The following ASTN2 variants were observed in gnomAD, a reference collection of about 807,000 sequenced individuals.
The protein encoded by ASTN2 is astrotactin 2.
ASTN2 carries 54 observed loss-of-function variants against 139.8 expected under a neutral mutation model. That is an observed-to-expected ratio of 0.39 (90% confidence interval 0.31 to 0.48). The LOEUF is 0.48. ASTN2 is among the 20% of genes least tolerant of loss of function. The pLI, the probability that ASTN2 is intolerant of heterozygous loss-of-function variation, is 0.95. For synonymous variants in ASTN2, 756 were observed against 719.5 expected (o/e 1.05, Z -0.81); for missense variants, 1,565 against 1,725.1 (o/e 0.91, Z 1.64).
chr9:116,550,330 C>G (rs780706623), intron 19 of ASTN2, among the ~76,000 whole-genome samples: 20 of 152,160 alleles, frequency 1.3e-4, no homozygotes, highest in Non-Finnish European at 2.6e-4. Context: ...CAATATAAAC[C>G]TGTCAATTTT....
At chr9:117,100,151 T>G (rs1044014452) in intron 4 of ASTN2, among the ~76,000 whole-genome samples, 1 of 152,218 alleles carries the variant, frequency 6.6e-6, no homozygotes, top group Non-Finnish European at 1.5e-5. Flanking sequence ...TCTTTGTGAC[T>G]CTCCCATCTT....
chr9:116,597,294 G>C (rs1370243701), intron 19 of ASTN2, among the ~76,000 whole-genome samples: 1 of 71,968 alleles, frequency 1.4e-5, no homozygotes, highest in Non-Finnish European at 3.1e-5. Context: ...CATGACTTTT[G>C]ATCTATTTTT....
At chr9:117,014,100 T>C (rs1837609045) in intron 6 of ASTN2, among the ~76,000 whole-genome samples, 1 of 152,080 alleles carries the variant, frequency 6.6e-6, no homozygotes, top group Non-Finnish European at 1.5e-5. Flanking sequence ...ATACCACGGG[T>C]CCTAGCTGTC....
intron 13 of ASTN2, among the ~76,000 whole-genome samples, chr9:116,779,349 C>T (rs1830160465): frequency 6.6e-6 from 1 of 152,112 alleles, no homozygotes; most frequent in South Asian, 2.1e-4. Context: ...TCCCTTTCTT[C>T]CAGAGAACAC....
chr9:117,108,436 A>ACACACACAC (rs760179816), intron 4 of ASTN2, among the ~76,000 whole-genome samples: 3 of 30,696 alleles, frequency 9.8e-5, no homozygotes, highest in Non-Finnish European at 3.4e-4. Context: ...AAAACAAAAC[A>ACACACACAC]AAACACACAC....
intron 3 of ASTN2, among the ~76,000 whole-genome samples, chr9:117,159,180 A>G (rs1830493515): frequency 6.6e-6 from 1 of 151,974 alleles, no homozygotes; most frequent in Non-Finnish European, 1.5e-5. Flanking sequence ...TCCAATTATG[A>G]CCACTATCGC....
At chr9:117,224,422 TGAAACCACTAC>T (rs1447930985) in intron 2 of ASTN2, among the ~76,000 whole-genome samples, 5 of 152,094 alleles carry the variant, frequency 3.3e-5, no homozygotes, top group Admixed American at 3.3e-4. Context: ...AAAGTAGTGG[TGAAACCACTAC>T]TTCCCCTCCA....
chr9:116,761,905 C>A (rs1042413665), intron 13 of ASTN2, among the ~76,000 whole-genome samples: 10 of 152,174 alleles, frequency 6.6e-5, no homozygotes, highest in Admixed American at 1.3e-4. Flanking sequence ...GTTGAGGATT[C>A]CTGTCCCTTA....
At chr9:116,971,583 T>G (rs1836202997) in intron 10 of ASTN2, among the ~76,000 whole-genome samples, 1 of 152,300 alleles carries the variant, frequency 6.6e-6, no homozygotes, top group South Asian at 2.1e-4. Context: ...ATAGACTCAT[T>G]TAAGTCTTCC....
chr9:117,071,661 A>C (rs1286757128), intron 5 of ASTN2, among the ~76,000 whole-genome samples: 2 of 149,068 alleles, frequency 1.3e-5, no homozygotes, highest in African/African-American at 2.5e-5. Context: ...GCAATCAGCG[A>C]GATTCCGTGG....
chr9:117,201,268 C>T (rs568571034), intron 3 of ASTN2, among the ~76,000 whole-genome samples: 132 of 151,910 alleles, frequency 8.7e-4, no homozygotes, highest in African/African-American at 2.9e-3. Context: ...TCTCTCTGTT[C>T]TTCATTAGTC....
intron 17 of ASTN2, among the ~76,000 whole-genome samples, chr9:116,626,038 G>A (rs936744335): frequency 1.3e-5 from 2 of 151,784 alleles, no homozygotes; most frequent in Admixed American, 1.3e-4. Flanking sequence ...AGAGTGCGGT[G>A]GCACAATATT....
Position 117,327,844 on chromosome 9 carries a change from T to G in ASTN2, c.443-36331A>C, listed in dbSNP as rs867632042. ...TAAATAAAGCAATCATTCAACAGATTTATTTCACACATAGTATGTCCCAGG... is the reference window on the plus strand; with the variant it reads ...TAAATAAAGCAATCATTCAACAGATGTATTTCACACATAGTATGTCCCAGG... On this transcript the variant is annotated intron_variant, in intron 1 of 22. Coordinates refer to ENST00000313400, the MANE Select transcript of ASTN2 (RefSeq NM_001365068.1). 2.0e-5 allele frequency among the ~76,000 whole-genome samples: 3 copies of G among 152,300 alleles called. No homozygotes were observed. The South Asian group carries it at 6.2e-4, about 32-fold the overall frequency.
intron 19 of ASTN2, among the ~76,000 whole-genome samples, chr9:116,587,312 G>C (rs1268364490): frequency 2.1e-5 from 3 of 143,942 alleles, no homozygotes; most frequent in Non-Finnish European, 4.5e-5. Flanking sequence ...CTGCACTCCA[G>C]CCTGGGTGAC....
In ASTN2 at chr9:117,292,445, G is replaced by T. The variant is rs928857766; in HGVS notation, c.443-932C>A. ...CCCTTGACTAAAGGTGTATGTGCCT[G>T]CAAATGTCCTAGAAAGACAAGGCCT... is the stretch of plus-strand genomic sequence containing the variant. On this transcript the variant is annotated intron_variant, in intron 1 of 22. Coordinates refer to ENST00000313400, the MANE Select transcript of ASTN2 (RefSeq NM_001365068.1). Among the ~76,000 whole-genome samples the T allele has an allele frequency of 6.6e-5, 10 of 152,166 alleles. 1 individual carries two copies. The highest frequency in any genetic ancestry group is 1.9e-4 in the African/African-American group (8 of 41,448).
intron 2 of ASTN2, among the ~76,000 whole-genome samples, chr9:117,228,452 C>T (rs781547445): frequency 7.2e-5 from 11 of 152,152 alleles, no homozygotes; most frequent in African/African-American, 1.2e-4. Context: ...ATTGTCTTGA[C>T]GGCATGTTGT....
intron 11 of ASTN2, among the ~76,000 whole-genome samples, chr9:116,824,995 G>A (rs768541048): frequency 6.6e-6 from 1 of 152,196 alleles, no homozygotes; most frequent in African/African-American, 2.4e-5. Flanking sequence ...AATCCTGTAG[G>A]AAGGAAGTTC....
rs1019605506 is a variant in ASTN2, at chr9:116,926,984, G to A, written c.1889+48224C>T. ...ATAAAAGCAAGAACAGTTGAACAGA[G>A]TCTGAGAACAATGAATCGTGGTTTA... On this transcript the variant is annotated intron_variant, in intron 10 of 22. Coordinates refer to ENST00000313400, the MANE Select transcript of ASTN2 (RefSeq NM_001365068.1). Among the ~76,000 whole-genome samples the A allele has an allele frequency of 3.3e-5, 5 of 152,308 alleles. No homozygotes were observed. The South Asian group carries it at 1.0e-3, about 32-fold the overall frequency.
At chr9:117,294,677 C>A (rs1294749688) in intron 1 of ASTN2, among the ~76,000 whole-genome samples, 2 of 152,170 alleles carry the variant, frequency 1.3e-5, no homozygotes, top group Non-Finnish European at 2.9e-5. Context: ...TGTTACTGTC[C>A]ATACACATAC....
Sources: allele counts gnomAD v4.1 joint callset (sites outside exome capture counted in the v4.1 genomes callset), GRCh38; gene constraint gnomAD v4.1.1; transcripts MANE v1.5; gene names NCBI Gene and HGNC (gene_info 2026-07-23, HGNC 2026-07-21).